The following CSPG4 variants were observed in gnomAD, a reference collection of about 807,000 sequenced individuals.
The protein encoded by CSPG4 is chondroitin sulfate proteoglycan 4 (melanoma-associated).
A neutral mutation model predicts 139.3 loss-of-function variants in CSPG4; 74 were observed. That is an observed-to-expected ratio of 0.53 (90% CI 0.44 to 0.64). The LOEUF is 0.64. Ranked by LOEUF, CSPG4 falls within the 30% of genes least tolerant of loss-of-function variation. The pLI, the probability that CSPG4 is intolerant of heterozygous loss-of-function variation, is 0.00. For missense variants in CSPG4, 2,565 were observed against 3,148.3 expected (o/e 0.81, Z 4.43); for synonymous variants, 1,234 against 1,394.2 (o/e 0.89, Z 2.56).
At position 75,693,128 on chromosome 15, in the gene CSPG4, A is replaced by C. The variant is rs112660485; in HGVS notation, c.194T>G (p.Leu65Arg). Residue 65 changes from leucine to arginine, a missense_variant, in exon 2 of 10, where the codon CTC becomes CGC. Leu to Arg is a moderately radical substitution (Grantham distance 102). Coordinates refer to ENST00000308508, the MANE Select transcript of CSPG4 (RefSeq NM_001897.5). Reference sequence around the variant, plus strand: ...GTGGTCAGCTGGGCCTGCTGCCAGGAGAAGGAGGGCTTCGGGCTGGGACGT... The same window carrying C: ...GTGGTCAGCTGGGCCTGCTGCCAGGCGAAGGAGGGCTTCGGGCTGGGACGT... ...FSTSQPEALL[L>R]LAAGPADHLL... 0.013 allele frequency: 20,875 copies of C among 1,564,922 alleles called. No individual in the cohort carries two copies. Among genetic ancestry groups the C allele is most frequent in the African/African-American group, 0.11 (7,872 of 69,114 alleles).
rs774678908 is a variant in CSPG4, at chr15:75,696,946, T to C, written c.89-3713A>G. ...TCCCCGGAGGCACTACTAGGAGGAG[T>C]GTGGATGGGCCCCTGAGGCTTCCAG... On this transcript the variant is annotated intron_variant, in intron 1 of 9. Transcript: ENST00000308508. The surrounding 1 kb of genome is among the most constrained non-coding windows in gnomAD (Gnocchi z 4.2). Among the ~76,000 whole-genome samples, 1 of 151,864 alleles carries C rather than the reference T, an allele frequency of 6.6e-6. No individual in the cohort carries two copies. The highest frequency in any genetic ancestry group is 1.5e-5 in the Non-Finnish European group (1 of 67,894).
chr15:75,684,965 C>A, intron 4 of CSPG4, 53 bp from the exon 5 acceptor site: 1 of 1,548,664 alleles, frequency 6.5e-7, no homozygotes, highest in South Asian at 1.1e-5. Context: ...CCTTCATGCC[C>A]TGCCTTTGGG....
intron 1 of CSPG4, among the ~76,000 whole-genome samples, chr15:75,699,719 G>GGGA (rs1222876371): frequency 6.6e-6 from 1 of 152,172 alleles, no homozygotes; most frequent in Non-Finnish European, 1.5e-5. Context: ...GCTGGGCCGG[G>GGGA]GGAGGAGGAA....
Position 75,690,444 on chromosome 15 carries a change from A to G in CSPG4, c.621T>C (p.Ser207=). ...SASDDVALGF[S]GPHSLAAFPA... ...GGAAGGCAGCCAGAGAGTGGGGCCC[A>G]GAGAAGCCCAGGGCCACATCATCAC... The change falls in exon 3 of 10, where the codon TCT becomes TCC. Residue 207 remains serine (S), a synonymous_variant. Transcript: ENST00000308508. 6.2e-7 allele frequency: 1 copy of G among 1,607,672 alleles called. No homozygotes were observed. Among genetic ancestry groups the G allele is most frequent in the African/African-American group, 1.3e-5 (1 of 74,910 alleles).
At position 75,687,589 on chromosome 15, in the gene CSPG4, C is replaced by T. The variant is rs773421645; in HGVS notation, c.3476G>A (p.Arg1159His). Residue 1159 changes from arginine to histidine, a missense_variant, in exon 3 of 10, where the codon CGC (arginine) becomes CAC (histidine). Arg to His is a conservative substitution (Grantham distance 29). Transcript: ENST00000308508. This position sits in a 1 kb window ranked among gnomAD's most constrained non-coding sequence, Gnocchi z 5.4. Reference sequence around the variant, plus strand: ...GTGGTAGTGGACCTCATCCCCACTGCGGATGTCGAGGTTGGTGTCCAGGTG... The same window carrying T: ...GTGGTAGTGGACCTCATCCCCACTGTGGATGTCGAGGTTGGTGTCCAGGTG... Reference protein sequence around the residue: ...VLHLDTNLDIRSGDEVHYHVT... With the variant: ...VLHLDTNLDIHSGDEVHYHVT... The T allele has an allele frequency of 2.2e-5, 36 of 1,610,448 alleles. No homozygotes were observed. Among genetic ancestry groups the T allele is most frequent in the African/African-American group, 5.3e-5 (4 of 74,900 alleles).
In CSPG4 at chr15:75,690,758, G is replaced by A. The variant is rs2141431383; in HGVS notation, c.307C>T (p.Leu103=). The part of the protein sequence containing the change: ...ELRLQTPAET[L]LSDSIPHTVV... ...GTGTGGGGGATGGAGTCACTCAGCA[G>A]CGTCTCTGCTGGAGTCTGCAGCCTC... Residue 103 remains leucine (L), a synonymous_variant, in exon 3 of 10, where the codon CTG becomes TTG. Coordinates refer to ENST00000308508, the MANE Select transcript of CSPG4 (RefSeq NM_001897.5). The A allele has an allele frequency of 2.5e-6, 4 of 1,613,172 alleles. No homozygotes were observed. The highest frequency in any genetic ancestry group is 3.4e-6 in the Non-Finnish European group (4 of 1,179,986).
At chr15:75,709,899 T>C (rs1298987402) in intron 1 of CSPG4, among the ~76,000 whole-genome samples, 1 of 151,434 alleles carries the variant, frequency 6.6e-6, no homozygotes, top group Admixed American at 6.6e-5. Flanking sequence ...TCTAGAACAG[T>C]TTTTCTCGAG....
At chr15:75,710,275 C>T (rs545469446) in intron 1 of CSPG4, among the ~76,000 whole-genome samples, 7 of 152,252 alleles carry the variant, frequency 4.6e-5, no homozygotes, top group Non-Finnish European at 8.8e-5. Context: ...CTCACTGTGA[C>T]CCCCCGACTA....
At chr15:75,703,104 GA>G in intron 1 of CSPG4, among the ~76,000 whole-genome samples, 1 of 120,214 alleles carries the variant, frequency 8.3e-6, no homozygotes, top group East Asian at 2.3e-4. Context: ...GGGCCCTGGG[GA>G]CGGGTGGGGT....
intron 8 of CSPG4, chr15:75,680,037 A>C (rs897932161): frequency 1.8e-4 from 28 of 152,286 alleles, no homozygotes; most frequent in African/African-American, 6.0e-4. Flanking sequence ...AGAGAAAAAC[A>C]GGACTTGCCC....
chr15:75,684,057 G>A (rs1336479210), intron 5 of CSPG4, among the ~76,000 whole-genome samples: 1 of 123,660 alleles, frequency 8.1e-6, no homozygotes, highest in African/African-American at 3.2e-5. Context: ...GGCACCCCAT[G>A]CCAGAGACAG....
chr15:75,688,538 C>T lies in CSPG4; in HGVS notation c.2527G>A (p.Asp843Asn). Reference protein sequence around the residue: ...NLQLQGTRLSDGQGFTQDDIQ... With the variant: ...NLQLQGTRLSNGQGFTQDDIQ... ...TCATCCTGGGTGAAGCCCTGGCCAT[C>T]TGACAGCCTTGTGCCCTGTAGTTGA... is the stretch of plus-strand genomic sequence containing the variant. Residue 843 changes from aspartate to asparagine, a missense_variant, in exon 3 of 10, where the codon GAT (aspartate) becomes AAT (asparagine). This residue lies in a region of CSPG4 where 2,316 missense variants were observed against 2,818.2 expected (regional missense o/e 0.82). Transcript: ENST00000308508. 1 of 1,613,208 alleles carries T rather than the reference C, an allele frequency of 6.2e-7. No individual in the cohort carries two copies. The highest frequency in any genetic ancestry group is 8.5e-7 in the Non-Finnish European group (1 of 1,180,036).
chr15:75,684,457 C>T (rs957287185), intron 5 of CSPG4, among the ~76,000 whole-genome samples: 3 of 152,248 alleles, frequency 2.0e-5, no homozygotes, highest in African/African-American at 7.2e-5. Flanking sequence ...TGTTCTGGTC[C>T]TTAGCCACAG....
At chr15:75,707,891 C>T (rs1401146958) in intron 1 of CSPG4, among the ~76,000 whole-genome samples, 1 of 152,102 alleles carries the variant, frequency 6.6e-6, no homozygotes, top group Non-Finnish European at 1.5e-5. Flanking sequence ...CTGAGCAAAG[C>T]AGGTGGGATG....
rs1287070127 is a variant in CSPG4, at chr15:75,705,851, CTGTATGTGTCTGTGTGCATATGTGTG to C, written c.88+6791_88+6816del. On this transcript the variant is annotated intron_variant, in intron 1 of 9. Coordinates refer to ENST00000308508, the MANE Select transcript of CSPG4 (RefSeq NM_001897.5). Reference sequence around the variant, plus strand: ...TAAAAGTGTGTGTGTGTATCTGTGTCTGTATGTGTCTGTGTGCATATGTGTGTGTCTGTGCCTGTGTGTATATGTCT... The same window carrying C: ...TAAAAGTGTGTGTGTGTATCTGTGTCTGTCTGTGCCTGTGTGTATATGTCT... Among the ~76,000 whole-genome samples the C allele has an allele frequency of 4.6e-5, 7 of 151,946 alleles. No individual in the cohort carries two copies. In the South Asian group the frequency reaches 1.5e-3, roughly 32 times the overall value.
chr15:75,682,376 C>T lies in CSPG4; in HGVS notation c.4867G>A (p.Val1623Met), dbSNP rs1342744011. Residue 1623 changes from valine to methionine, a missense_variant, in exon 8 of 10, where the codon GTG (valine) becomes ATG (methionine). This residue lies in a region of CSPG4 where 2,316 missense variants were observed against 2,818.2 expected (regional missense o/e 0.82). Coordinates refer to ENST00000308508, the MANE Select transcript of CSPG4 (RefSeq NM_001897.5). Reference protein sequence around the residue: ...TDPQLLLYRVVRGPQLGRLFH... With the variant: ...TDPQLLLYRVMRGPQLGRLFH... The stretch of plus-strand genomic sequence containing the variant: ...AGCCGGCCTAGCTGGGGGCCCCGCA[C>T]CACACGGTAGAGCAGGAGCTGGGGG... The T allele has an allele frequency of 3.1e-6, 5 of 1,596,850 alleles. No individual in the cohort carries two copies. The South Asian group carries it at 4.4e-5, about 14-fold the overall frequency.
Position 75,677,380 on chromosome 15 carries a change from G to A in CSPG4, c.5139C>T (p.Leu1713=). The change falls in exon 10 of 10, where the codon CTC becomes CTT. Residue 1713 remains leucine (L), a synonymous_variant. Coordinates refer to ENST00000308508, the MANE Select transcript of CSPG4 (RefSeq NM_001897.5). The part of the protein sequence containing the change: ...RPSHLWKNKG[L]WVPEGQRARI... ...TGGCCCGCTGGCCCTCGGGGACCCA[G>A]AGACCTGGGGGTGGGACATAGGCTA... 1.4e-6 allele frequency: 2 copies of A among 1,396,174 alleles called. No homozygotes were observed. The highest frequency in any genetic ancestry group is 1.9e-6 in the Non-Finnish European group (2 of 1,072,052). The allele number at this position is 1,396,174 out of a possible 1,614,324, so 86.5% of individuals were successfully genotyped here.
intron 1 of CSPG4, among the ~76,000 whole-genome samples, chr15:75,706,886 G>A (rs1183290927): frequency 6.6e-6 from 1 of 151,662 alleles, no homozygotes; most frequent in Non-Finnish European, 1.5e-5. Context: ...AAATCCAAAT[G>A]CCCCTAAATC....
At position 75,677,027 on chromosome 15, in the gene CSPG4, C is replaced by T. The variant is rs1278061018; in HGVS notation, c.5492G>A (p.Arg1831Gln). ...FAITVRDVNE[R>Q]PPQPQASVPL... is the part of the protein sequence containing the mutation. ...GACAGAGGCCTGTGGCTGAGGGGGC[C>T]GCTCATTTACATCCCTCACCGTGAT... is the stretch of plus-strand genomic sequence containing the variant. Residue 1831 changes from arginine to glutamine, a missense_variant, in exon 10 of 10, where the codon CGG (arginine) becomes CAG (glutamine). Arg to Gln is a conservative substitution (Grantham distance 43). Coordinates refer to ENST00000308508, the MANE Select transcript of CSPG4 (RefSeq NM_001897.5). 15 of 1,433,508 alleles carry T rather than the reference C, an allele frequency of 1.0e-5. No homozygotes were observed. Among genetic ancestry groups the T allele is most frequent in the East Asian group, 2.6e-5 (1 of 38,788 alleles). 88.8% of individuals were successfully genotyped at this position (1,433,508 alleles called of 1,614,324 possible). A position where few individuals can be genotyped will look rare whatever the true frequency, so the allele number is the denominator to read the frequency against.
Sources: allele counts gnomAD v4.1 joint callset (sites outside exome capture counted in the v4.1 genomes callset), GRCh38; gene constraint gnomAD v4.1.1; regional missense constraint gnomAD v4.1.1; non-coding constraint Gnocchi (gnomAD v3.1); transcripts MANE v1.5; gene names NCBI Gene and HGNC (gene_info 2026-07-23, HGNC 2026-07-21).